SMAD9: variants seen among roughly 807,000 people sequenced by gnomAD.
SMAD9 encodes the protein SMAD family member 9.
SMAD9 carries 36 observed loss-of-function variants against 46.1 expected under a neutral mutation model. The observed-to-expected ratio is 0.78, with a 90% confidence interval of 0.60 to 1.03. The LOEUF (loss-of-function observed/expected upper bound fraction) is 1.03. Among genes scored for constraint, SMAD9 ranks in the 50% least tolerant of loss-of-function variants. The pLI is 0.00. For missense variants in SMAD9, 572 were observed against 599.8 expected (o/e 0.95, Z 0.48); for synonymous variants, 245 against 237.1 (o/e 1.03, Z -0.31).
chr13:36,865,490 T>G (rs1254344689), intron 5 of SMAD9, 47 bp downstream of exon 5: 6 of 1,499,338 alleles, frequency 4.0e-6, no homozygotes, highest in Non-Finnish European at 5.6e-6. Context: ...CACATGACCA[T>G]CTACATTTCG....
rs575878589 is a variant in SMAD9, at chr13:36,877,800, A to T, written c.412+1478T>A. Among the ~76,000 whole-genome samples, 78 of 152,260 alleles carry T rather than the reference A, an allele frequency of 5.1e-4. 1 individual carries two copies. The highest frequency in any genetic ancestry group is 1.7e-3 in the African/African-American group (71 of 41,554). Reference sequence around the variant, plus strand: ...GTGGGAGGCATCCACACACAGGTAGATGTTAAGTTCTGGGAGCTTGAAGGA... The same window carrying T: ...GTGGGAGGCATCCACACACAGGTAGTTGTTAAGTTCTGGGAGCTTGAAGGA... On this transcript the variant is annotated intron_variant, in intron 2 of 6. Transcript: ENST00000379826.
Position 36,867,311 on chromosome 13 carries a change from G to A in SMAD9, c.743C>T (p.Thr248Ile). The A allele has an allele frequency of 6.4e-6, 10 of 1,551,184 alleles. No homozygotes were observed. Among genetic ancestry groups the A allele is most frequent in the African/African-American group, 1.4e-5 (1 of 73,144 alleles). Reference sequence around the variant, plus strand: ...CGATAGCACTACATGTCTATCAGCTGTGGCATCTACAGGTTGGCCACTCTG... The same window carrying A: ...CGATAGCACTACATGTCTATCAGCTATGGCATCTACAGGTTGGCCACTCTG... ...ETQSGQPVDATADRHVVLSIP... is the reference protein window; with the variant it reads ...ETQSGQPVDAIADRHVVLSIP... The change falls in exon 4 of 7, where the codon ACA becomes ATA. Residue 248 changes from threonine (T) to isoleucine (I), a missense_variant. Thr to Ile is a moderately conservative substitution (Grantham distance 89). Coordinates refer to ENST00000379826, the MANE Select transcript of SMAD9 (RefSeq NM_001127217.3).
chr13:36,908,984 T>C (rs990841931), intron 1 of SMAD9, among the ~76,000 whole-genome samples: 37 of 152,362 alleles, frequency 2.4e-4, no homozygotes, highest in African/African-American at 7.9e-4. Context: ...CTGGAATTTA[T>C]ACTTAATAAG....
chr13:36,858,959 C>G (rs780047036), intron 5 of SMAD9, among the ~76,000 whole-genome samples: 1 of 152,166 alleles, frequency 6.6e-6, no homozygotes, highest in Non-Finnish European at 1.5e-5. Flanking sequence ...AATCCACCCA[C>G]CTCGACCTCC....
In SMAD9 at chr13:36,846,864, T is replaced by C. The variant is rs1450035710; in HGVS notation, c.*1812A>G. 6.6e-6 allele frequency: 1 copy of C among 152,242 alleles called. No homozygotes were observed. Among genetic ancestry groups the C allele is most frequent in the Non-Finnish European group, 1.5e-5 (1 of 68,032 alleles). 9.4% of individuals were successfully genotyped at this position (152,242 alleles called of 1,614,324 possible). A position where few individuals can be genotyped will look rare whatever the true frequency, so the allele number is the denominator to read the frequency against. On this transcript the variant is annotated 3_prime_UTR_variant, in exon 7 of 7. Transcript: ENST00000379826. ...TTTTAAAAGTTCTGAAACATGAAGA[T>C]GTCTGTACAAACAGATTCACTATTA...
In SMAD9 at chr13:36,848,362, C is replaced by T. The variant is rs879741021; in HGVS notation, c.*314G>A. 5.3e-5 allele frequency: 19 copies of T among 356,094 alleles called. No individual in the cohort carries two copies. The highest frequency in any genetic ancestry group is 2.1e-4 in the Admixed American group (5 of 23,482). 22.1% of individuals were successfully genotyped at this position (356,094 alleles called of 1,614,324 possible). A position where few individuals can be genotyped will look rare whatever the true frequency, so the allele number is the denominator to read the frequency against. On this transcript the variant is annotated 3_prime_UTR_variant, in exon 7 of 7. Transcript: ENST00000379826. ...CCACACAACATGCTTTATAATGACA[C>T]GGCTGACTAAAGCTGTCTTTTATTC...
chr13:36,850,762 T>A lies in SMAD9; in HGVS notation c.1261-1943A>T, dbSNP rs2058068060. ...GGTCCCTTTGCAGACAATTCCCAAATTTGTATTTCAAGCCCAAACCTCTCT... is the reference window on the plus strand; with the variant it reads ...GGTCCCTTTGCAGACAATTCCCAAAATTGTATTTCAAGCCCAAACCTCTCT... On this transcript the variant is annotated intron_variant, in intron 6 of 6. Coordinates refer to ENST00000379826, the MANE Select transcript of SMAD9 (RefSeq NM_001127217.3). Among the ~76,000 whole-genome samples the A allele has an allele frequency of 2.6e-5, 4 of 152,286 alleles. No individual in the cohort carries two copies. The South Asian group carries it at 8.3e-4, about 32-fold the overall frequency.
At chr13:36,870,160 C>T in intron 3 of SMAD9, among the ~76,000 whole-genome samples, 1 of 152,146 alleles carries the variant, frequency 6.6e-6, no homozygotes, top group East Asian at 1.9e-4. Context: ...GGTGTCTGTC[C>T]TGCTTGGGTG....
intron 4 of SMAD9, 50 bp from the exon 5 acceptor site, chr13:36,865,808 G>A: frequency 6.8e-7 from 1 of 1,468,140 alleles, no homozygotes; most frequent in South Asian, 1.2e-5. Context: ...TACCTGGGCT[G>A]TGTAGTTCAT....
At chr13:36,860,334 T>A (rs1442100253) in intron 5 of SMAD9, among the ~76,000 whole-genome samples, 1 of 152,054 alleles carries the variant, frequency 6.6e-6, no homozygotes, top group African/African-American at 2.4e-5. Context: ...AACAATGCAA[T>A]GATTTGGAAT....
rs577666965 is a variant in SMAD9, at chr13:36,869,175, T to C, written c.671-1792A>G. ...TCCGTTTGGGGTGATGAAAAAATTT[T>C]TGAAAATAGATATGGTGATGGTTGC... is the stretch of plus-strand genomic sequence containing the variant. On this transcript the variant is annotated intron_variant, in intron 3 of 6. Coordinates refer to ENST00000379826, the MANE Select transcript of SMAD9 (RefSeq NM_001127217.3). Among the ~76,000 whole-genome samples the C allele has an allele frequency of 6.6e-5, 10 of 152,108 alleles. No homozygotes were observed. The South Asian group carries it at 1.5e-3, about 22-fold the overall frequency.
rs2058043483 is a variant in SMAD9, at chr13:36,847,253, A to G, written c.*1423T>C. 1 of 152,234 alleles carries G rather than the reference A, an allele frequency of 6.6e-6. No individual in the cohort carries two copies. Among genetic ancestry groups the G allele is most frequent in the South Asian group, 2.1e-4 (1 of 4,834 alleles). The allele number at this position is 152,234 out of a possible 1,614,324, so 9.4% of individuals were successfully genotyped here. A position where few individuals can be genotyped will look rare whatever the true frequency, so the allele number is the denominator to read the frequency against. ...GAGTTGAGATAAAATGTATAAATGA[A>G]GAAACTTCTTGGATTACTGAAGTGC... On this transcript the variant is annotated 3_prime_UTR_variant, in exon 7 of 7. Transcript: ENST00000379826.
chr13:36,915,398 G>C (rs1347962181), intron 1 of SMAD9, among the ~76,000 whole-genome samples: 1 of 152,050 alleles, frequency 6.6e-6, no homozygotes, highest in Non-Finnish European at 1.5e-5. Context: ...AGGAGTACAT[G>C]TTTTCTATTT....
At chr13:36,886,854 G>A (rs1312140014) in intron 1 of SMAD9, among the ~76,000 whole-genome samples, 6 of 152,022 alleles carry the variant, frequency 3.9e-5, no homozygotes, top group African/African-American at 1.2e-4. Context: ...CAAGAGGGTG[G>A]CACAGGGGTG....
chr13:36,860,697 C>T (rs985913500), intron 5 of SMAD9, among the ~76,000 whole-genome samples: 1 of 151,856 alleles, frequency 6.6e-6, no homozygotes, highest in Non-Finnish European at 1.5e-5. Context: ...TCATGATCCA[C>T]CCGCCTCGTC....
chr13:36,876,877 A>G lies in SMAD9; in HGVS notation c.412+2401T>C, dbSNP rs1012224966. On this transcript the variant is annotated intron_variant, in intron 2 of 6. Transcript: ENST00000379826. ...ACTTTAAATATGGATAGCTAACTAGATATAAAATCTACTTTTTCTATTAAA... is the reference window on the plus strand; with the variant it reads ...ACTTTAAATATGGATAGCTAACTAGGTATAAAATCTACTTTTTCTATTAAA... Among the ~76,000 whole-genome samples, 3 of 152,330 alleles carry G rather than the reference A, an allele frequency of 2.0e-5. No homozygotes were observed. The South Asian group carries it at 6.2e-4, about 32-fold the overall frequency.
intron 1 of SMAD9, among the ~76,000 whole-genome samples, chr13:36,885,033 A>C (rs2058433531): frequency 6.6e-6 from 1 of 152,176 alleles, no homozygotes; most frequent in Non-Finnish European, 1.5e-5. Flanking sequence ...CAAACTTATC[A>C]ATTTTGACCC....
At chr13:36,898,074 G>A (rs2058544015) in intron 1 of SMAD9, among the ~76,000 whole-genome samples, 1 of 151,600 alleles carries the variant, frequency 6.6e-6, no homozygotes, top group Non-Finnish European at 1.5e-5. Context: ...TAGCCAGGAT[G>A]GTCTCAACCT....
Position 36,848,727 on chromosome 13 carries a change from T to C in SMAD9, c.1353A>G (p.Lys451=). 6.2e-7 allele frequency: 1 copy of C among 1,614,088 alleles called. No homozygotes were observed. The highest frequency in any genetic ancestry group is 1.3e-5 in the African/African-American group (1 of 75,042). ...HLHGPLQWLD[K]VLTQMGSPHN... is the part of the protein sequence containing the mutation. ...GTGGAGAGCCCATCTGAGTCAGAAC[T>C]TTGTCCAGCCACTGCAGTGGCCCAT... Residue 451 remains lysine, a synonymous_variant, in exon 7 of 7, where the codon AAA becomes AAG. Coordinates refer to ENST00000379826, the MANE Select transcript of SMAD9 (RefSeq NM_001127217.3).
Sources: allele counts gnomAD v4.1 joint callset (sites outside exome capture counted in the v4.1 genomes callset), GRCh38; gene constraint gnomAD v4.1.1; transcripts MANE v1.5; gene names NCBI Gene and HGNC (gene_info 2026-07-23, HGNC 2026-07-21).